The following C2CD2 variants were observed in gnomAD, a reference collection of about 807,000 sequenced individuals.
C2CD2 encodes C2 domain-containing protein 2.
In C2CD2, 43 loss-of-function variants were observed where a neutral mutation model predicts 74.3. The observed-to-expected ratio is 0.58, with a 90% CI of 0.45 to 0.75. C2CD2 has a LOEUF of 0.75. C2CD2 is among the 30% of genes least tolerant of loss of function. The pLI is 0.00. For synonymous variants in C2CD2, 422 were observed against 390.7 expected (o/e 1.08, Z -0.94); for missense variants, 801 against 916.3 (o/e 0.87, Z 1.63).
intron 2 of C2CD2, among the ~76,000 whole-genome samples, chr21:41,931,809 C>G (rs2065263584): frequency 6.7e-6 from 1 of 149,656 alleles, no homozygotes; most frequent in South Asian, 2.1e-4. Context: ...AAACTTTGAG[C>G]CCCACCTCCA....
At position 41,912,346 on chromosome 21, in the gene C2CD2, T is replaced by C; in HGVS notation, c.939A>G (p.Glu313=). The C allele has an allele frequency of 6.2e-7, 1 of 1,610,492 alleles. No homozygotes were observed. The highest frequency in any genetic ancestry group is 8.5e-7 in the Non-Finnish European group (1 of 1,178,286). The part of the protein sequence containing the change: ...LTKNTPDLMW[E]EEFTFELNAK... ...GCCAGACTCACAAGGTGAATTCCTC[T>C]TCCCACATGAGGTCCGGAGTGTTTT... is the stretch of plus-strand genomic sequence containing the variant. Residue 313 remains glutamate, a synonymous_variant, in exon 7 of 14, where the codon GAA becomes GAG. Coordinates refer to ENST00000380486, the MANE Select transcript of C2CD2 (RefSeq NM_015500.2).
intron 1 of C2CD2, among the ~76,000 whole-genome samples, chr21:41,947,179 C>A (rs941507755): frequency 1.7e-5 from 2 of 117,344 alleles, no homozygotes; most frequent in African/African-American, 6.6e-5. Flanking sequence ...TTTTTTGAGA[C>A]GGAGTTTCAC....
chr21:41,937,055 G>T (rs1424174552), intron 2 of C2CD2, among the ~76,000 whole-genome samples: 1 of 151,836 alleles, frequency 6.6e-6, no homozygotes, highest in Non-Finnish European at 1.5e-5. Context: ...TCTTGACCTC[G>T]TGATCCACCT....
intron 2 of C2CD2, among the ~76,000 whole-genome samples, chr21:41,938,272 T>C (rs948744811): frequency 1.3e-5 from 2 of 152,098 alleles, no homozygotes; most frequent in African/African-American, 2.4e-5. Context: ...CATTGACACC[T>C]GGCAAGGATT....
At chr21:41,909,657 C>G (rs1010160012) in intron 7 of C2CD2, 134 bp from the exon 8 acceptor site, 53 of 688,888 alleles carry the variant, frequency 7.7e-5, no homozygotes, top group Non-Finnish European at 1.2e-4. Flanking sequence ...GACATATAAG[C>G]AAAAAAAGGG....
chr21:41,931,567 C>T (rs189547406), intron 2 of C2CD2, among the ~76,000 whole-genome samples: 1,947 of 149,626 alleles, frequency 0.013, 131 homozygotes, highest in Non-Finnish European at 0.019. Flanking sequence ...GGACTACAGG[C>T]GCGTGCCACC....
chr21:41,934,935 A>G (rs938041268), intron 2 of C2CD2, among the ~76,000 whole-genome samples: 2 of 151,592 alleles, frequency 1.3e-5, no homozygotes, highest in Admixed American at 6.6e-5. Flanking sequence ...TTTGTCGCTC[A>G]GGCTGAAGTG....
intron 8 of C2CD2, chr21:41,907,999 A>G (rs376294079): frequency 3.3e-5 from 19 of 572,538 alleles, no homozygotes; most frequent in Middle Eastern, 9.4e-4. Context: ...TGCTAAAGCA[A>G]TAAGACAGGC....
In C2CD2 at chr21:41,932,289, C is replaced by T. The variant is rs893769668; in HGVS notation, c.378+9858G>A. Among the ~76,000 whole-genome samples the T allele has an allele frequency of 4.7e-5, 7 of 150,188 alleles. 1 individual carries two copies. The highest frequency in any genetic ancestry group is 3.3e-4 in the Admixed American group (5 of 14,976). ...GGAGTCCCTGCCCTCCCCCTCCGCC[C>T]GCCTAAGCATCCCTTCGATGTGGCC... On this transcript the variant is annotated intron_variant, in intron 2 of 13. Coordinates refer to ENST00000380486, the MANE Select transcript of C2CD2 (RefSeq NM_015500.2).
rs190877692 is a variant in C2CD2, at chr21:41,933,074, G to A, written c.378+9073C>T. Among the ~76,000 whole-genome samples, 137 of 150,358 alleles carry A rather than the reference G, an allele frequency of 9.1e-4. 12 individuals are homozygous for A. The highest frequency in any genetic ancestry group is 2.3e-3 in the Admixed American group (35 of 15,016). ...CATAACAGACAGGCTGGGTTCCGGC[G>A]GCCTTGTCCCTGTCTTGGCTCAAAT... On this transcript the variant is annotated intron_variant, in intron 2 of 13. Transcript: ENST00000380486.
At chr21:41,901,579 A>T in intron 12 of C2CD2, 43 bp downstream of exon 12, 2 of 1,601,794 alleles carry the variant, frequency 1.2e-6, no homozygotes, top group Non-Finnish European at 1.7e-6. Context: ...CAGGTCACTG[A>T]CAGATGACCA....
In C2CD2 at chr21:41,919,057, T is replaced by C. The variant is rs1480905589; in HGVS notation, c.493-97A>G. ...GACTGTGTGAGCATGTGTGTGTGCA[T>C]ATATGCATGTGAGCATGTGTCTATG... On this transcript the variant is annotated intron_variant, in intron 3 of 13. Coordinates refer to ENST00000380486, the MANE Select transcript of C2CD2 (RefSeq NM_015500.2). 1.2e-5 allele frequency: 10 copies of C among 827,882 alleles called. No individual in the cohort carries two copies. In the East Asian group the frequency reaches 2.0e-4, roughly 16 times the overall value. The allele number at this position is 827,882 out of a possible 1,614,324, so 51.3% of individuals were successfully genotyped here. A position where few individuals can be genotyped will look rare whatever the true frequency, so the allele number is the denominator to read the frequency against.
Position 41,907,012 on chromosome 21 carries a change from C to T in C2CD2, c.1298G>A (p.Arg433Lys), listed in dbSNP as rs777674549. ...VKTKPRVDVG[R>K]ASPLSSDSPV... ...CTCACCAGAGCTCAGCGGGGACGCC[C>T]TCCCCACGTCGACGCGAGGCTTGGT... is the stretch of plus-strand genomic sequence containing the variant. Residue 433 changes from arginine (R) to lysine (K), a missense_variant, in exon 10 of 14, where the codon AGG becomes AAG. Physicochemically the swap from Arg to Lys is conservative, Grantham distance 26. Coordinates refer to ENST00000380486, the MANE Select transcript of C2CD2 (RefSeq NM_015500.2). 1 of 1,613,812 alleles carries T rather than the reference C, an allele frequency of 6.2e-7. No individual in the cohort carries two copies. Among genetic ancestry groups the T allele is most frequent in the Non-Finnish European group, 8.5e-7 (1 of 1,179,860 alleles).
intron 2 of C2CD2, among the ~76,000 whole-genome samples, chr21:41,927,340 A>G (rs1206311349): frequency 6.6e-6 from 1 of 152,064 alleles, no homozygotes; most frequent in Non-Finnish European, 1.5e-5. Flanking sequence ...TAATTTCTGT[A>G]TTTTTAGTAG....
chr21:41,891,742 T>C (rs533779575), intron 13 of C2CD2, among the ~76,000 whole-genome samples: 2 of 152,274 alleles, frequency 1.3e-5, no homozygotes, highest in Non-Finnish European at 2.9e-5. Context: ...TCACCTGGAC[T>C]GCTCCAACGT....
intron 13 of C2CD2, among the ~76,000 whole-genome samples, chr21:41,894,175 G>A (rs73363122): frequency 2.0e-5 from 3 of 152,162 alleles, no homozygotes; most frequent in Admixed American, 6.5e-5. Context: ...GCACAGTCAT[G>A]TGCGGGTGGG....
At chr21:41,938,112 C>T (rs2065323505) in intron 2 of C2CD2, among the ~76,000 whole-genome samples, 1 of 151,828 alleles carries the variant, frequency 6.6e-6, no homozygotes, top group Non-Finnish European at 1.5e-5. Flanking sequence ...TCTAACCACA[C>T]AAAATGGTAA....
chr21:41,934,796 G>C (rs1269610344), intron 2 of C2CD2, among the ~76,000 whole-genome samples: 4 of 151,882 alleles, frequency 2.6e-5, no homozygotes, highest in Non-Finnish European at 5.9e-5. Context: ...GAGAAAGAAC[G>C]GAGCAAGGAA....
chr21:41,906,498 T>TA (rs1383761324), intron 10 of C2CD2, among the ~76,000 whole-genome samples: 1 of 152,214 alleles, frequency 6.6e-6, no homozygotes, highest in East Asian at 1.9e-4. Context: ...CCAGAGTGGC[T>TA]AGGACTCCAC....
Sources: gnomAD v4.1 joint callset for allele counts (sites outside exome capture counted in the v4.1 genomes callset) on GRCh38, gnomAD v4.1.1 for gene constraint, MANE v1.5 for transcripts, NCBI Gene and HGNC (gene_info 2026-07-23, HGNC 2026-07-21) for gene names.